SAPCD2: variants seen among roughly 807,000 people sequenced by gnomAD.
SAPCD2 encodes suppressor APC domain-containing protein 2.
Under a neutral mutation model 37.8 loss-of-function variants are expected in SAPCD2, and 34 were observed. The ratio of observed to expected loss-of-function variants is 0.90; its 90% CI spans 0.68 to 1.20. The LOEUF is 1.20. Ranked by LOEUF, SAPCD2 falls within the 50% of genes most tolerant of loss-of-function variation. SAPCD2 has a pLI of 0.00. For synonymous variants in SAPCD2, 275 were observed against 270.3 expected, an observed-to-expected ratio of 1.02 and a Z score of -0.17; for missense variants, 572 against 584.7, an observed-to-expected ratio of 0.98 and a Z score of 0.22.
rs1308529074 is a variant in SAPCD2, at chr9:137,065,546, GC to G, written c.806del (p.Arg269ProfsTer59). 6.2e-7 allele frequency: 1 copy of G among 1,605,954 alleles called. No individual in the cohort carries two copies. The highest frequency in any genetic ancestry group is 8.5e-7 in the Non-Finnish European group (1 of 1,175,860). ...QLQRVQERQR[R>X]LGQSRASADF... ...CGGCGCTGGCTCTGCTCTGGCCCAG[GC>G]GGCGCTGGCGCTCCTGCACTCGTTG... On this transcript the variant is annotated frameshift_variant, in exon 3 of 6. Transcript: ENST00000409687. LOFTEE classifies it high-confidence loss of function.
intron 4 of SAPCD2, 44 bp downstream of exon 4, chr9:137,065,034 G>C: frequency 6.7e-7 from 1 of 1,495,582 alleles, no homozygotes; most frequent in East Asian, 2.5e-5. Context: ...GCACTAAACT[G>C]GCCTGGGCCC....
chr9:137,069,948 GGGGCA>G lies in SAPCD2; in HGVS notation c.508_512del (p.Cys170ArgfsTer188). On this transcript the variant is annotated frameshift_variant, in exon 1 of 6. Transcript: ENST00000409687. LOFTEE classifies it high-confidence loss of function. The stretch of plus-strand genomic sequence containing the variant: ...CGCTCTGGGACCGCTCGGGCTCCGC[GGGGCA>G]GGGCGCCGCCTCAGCCGGGGCGCAC... 4.0e-6 allele frequency: 5 copies of G among 1,260,884 alleles called. No homozygotes were observed. The highest frequency in any genetic ancestry group is 5.0e-6 in the Non-Finnish European group (5 of 1,004,132). 78.1% of individuals were successfully genotyped at this position (1,260,884 alleles called of 1,614,324 possible).
At chr9:137,066,675 C>T (rs1015329329) in intron 1 of SAPCD2, among the ~76,000 whole-genome samples, 2 of 152,238 alleles carry the variant, frequency 1.3e-5, no homozygotes, top group African/African-American at 2.4e-5. Context: ...CTTCTGCACA[C>T]CCAGTGCCCA....
chr9:137,064,347 A>AC lies in SAPCD2; in HGVS notation c.*311dup. On this transcript the variant is annotated 3_prime_UTR_variant, in exon 6 of 6. Coordinates refer to ENST00000409687, the MANE Select transcript of SAPCD2 (RefSeq NM_178448.4). The stretch of plus-strand genomic sequence containing the variant: ...GGGCGGCACCGCTGGAAACGGGGGG[A>AC]CGCTAACTCATGGAGGGGTACCCCA... 1 of 425,056 alleles carries AC rather than the reference A, an allele frequency of 2.4e-6. No homozygotes were observed. The highest frequency in any genetic ancestry group is 4.1e-5 in the Admixed American group (1 of 24,602). 26.3% of individuals were successfully genotyped at this position (425,056 alleles called of 1,614,324 possible).
chr9:137,064,505 C>G lies in SAPCD2; in HGVS notation c.*154G>C. On this transcript the variant is annotated 3_prime_UTR_variant, in exon 6 of 6. Transcript: ENST00000409687. Reference sequence around the variant, plus strand: ...ACCAGCCGGGGGCAGGCCTGGGGAGCCCATCTGGCAAGGGCGGCAGGAAGG... The same window carrying G: ...ACCAGCCGGGGGCAGGCCTGGGGAGGCCATCTGGCAAGGGCGGCAGGAAGG... 1.2e-6 allele frequency: 1 copy of G among 834,988 alleles called. No homozygotes were observed. Among genetic ancestry groups the G allele is most frequent in the Non-Finnish European group, 1.8e-6 (1 of 545,754 alleles). 51.7% of individuals were successfully genotyped at this position (834,988 alleles called of 1,614,324 possible).
rs2131527254 is a variant in SAPCD2 at position 137,064,474 on chromosome 9, G to A, written c.*185C>T. The stretch of plus-strand genomic sequence containing the variant: ...GCCAAAACGGAGTCAAGCGCTCGGT[G>A]CGGGGACCAGCCGGGGGCAGGCCTG... On this transcript the variant is annotated 3_prime_UTR_variant, in exon 6 of 6. Coordinates refer to ENST00000409687, the MANE Select transcript of SAPCD2 (RefSeq NM_178448.4). 2 of 671,820 alleles carry A rather than the reference G, an allele frequency of 3.0e-6. No homozygotes were observed. The highest frequency in any genetic ancestry group is 5.0e-6 in the Non-Finnish European group (2 of 400,936). 41.6% of individuals were successfully genotyped at this position (671,820 alleles called of 1,614,324 possible).
In SAPCD2 at chr9:137,066,292, G is replaced by T; in HGVS notation, c.654C>A (p.His218Gln). 6.2e-7 allele frequency: 1 copy of T among 1,608,730 alleles called. No homozygotes were observed. ...APRARGERRRHTIASGVDCGL... is the reference protein window; with the variant it reads ...APRARGERRRQTIASGVDCGL... ...CGCAGTCCACGCCGCTGGCGATGGT[G>T]TGCCTCCGACGTTCCCCTCGGGCAC... The change falls in exon 2 of 6, where the codon CAC (histidine) becomes CAA (glutamine). Residue 218 changes from histidine (H) to glutamine (Q), a missense_variant. His to Gln is a conservative substitution (Grantham distance 24). Coordinates refer to ENST00000409687, the MANE Select transcript of SAPCD2 (RefSeq NM_178448.4).
rs1363262152 is a variant in SAPCD2, at chr9:137,065,778, G to A, written c.685-110C>T. The A allele has an allele frequency of 1.4e-5, 19 of 1,344,464 alleles. No homozygotes were observed. The Admixed American group carries it at 3.8e-4, about 27-fold the overall frequency. The allele number at this position is 1,344,464 out of a possible 1,614,324, so 83.3% of individuals were successfully genotyped here. A position where few individuals can be genotyped will look rare whatever the true frequency, so the allele number is the denominator to read the frequency against. On this transcript the variant is annotated intron_variant, in intron 2 of 5. Coordinates refer to ENST00000409687, the MANE Select transcript of SAPCD2 (RefSeq NM_178448.4). ...CACCAGAGCCACAGACACAAATGCA[G>A]CAGCACGTGTACACGTTTGCAAACA...
At chr9:137,068,933 G>T (rs897682228) in intron 1 of SAPCD2, among the ~76,000 whole-genome samples, 1 of 152,244 alleles carries the variant, frequency 6.6e-6, no homozygotes, top group African/African-American at 2.4e-5. Context: ...TCACCAGGGA[G>T]GCCAGGGCCG....
In SAPCD2 at chr9:137,064,160, A is replaced by C; in HGVS notation, c.*499T>G. ...CTTACAGGCCGTCCCCACCCCCTCCATCTACTTCCGTCCGTCCGAGCTACA... is the reference window on the plus strand; with the variant it reads ...CTTACAGGCCGTCCCCACCCCCTCCCTCTACTTCCGTCCGTCCGAGCTACA... On this transcript the variant is annotated 3_prime_UTR_variant, in exon 6 of 6. Coordinates refer to ENST00000409687, the MANE Select transcript of SAPCD2 (RefSeq NM_178448.4). The C allele has an allele frequency of 1.1e-5, 2 of 185,404 alleles. No individual in the cohort carries two copies. Among genetic ancestry groups the C allele is most frequent in the Non-Finnish European group, 2.3e-5 (2 of 87,228 alleles). 11.5% of individuals were successfully genotyped at this position (185,404 alleles called of 1,614,324 possible). A position where few individuals can be genotyped will look rare whatever the true frequency, so the allele number is the denominator to read the frequency against.
Position 137,064,193 on chromosome 9 carries a change from C to G in SAPCD2, c.*466G>C, listed in dbSNP as rs34755670. ...CCGTCCGTCCGAGCTACAGCCACCT[C>G]GTCCTGGTGCCCTGGTTGAGCGGGA... On this transcript the variant is annotated 3_prime_UTR_variant, in exon 6 of 6. Transcript: ENST00000409687. 955 of 212,242 alleles carry G rather than the reference C, an allele frequency of 4.5e-3. 5 individuals are homozygous for G. Among genetic ancestry groups the G allele is most frequent in the Non-Finnish European group, 7.5e-3 (765 of 102,624 alleles). The allele number at this position is 212,242 out of a possible 1,614,324, so 13.1% of individuals were successfully genotyped here.
chr9:137,067,647 A>G (rs987910359), intron 1 of SAPCD2, among the ~76,000 whole-genome samples: 28 of 150,568 alleles, frequency 1.9e-4, no homozygotes, highest in Non-Finnish European at 1.8e-4. Flanking sequence ...GGTGGCATGC[A>G]CCTGTAATCC....
In SAPCD2 at chr9:137,064,939, A is replaced by T. The variant is rs1361641742; in HGVS notation, c.980T>A (p.Leu327Gln). ...CCAGACCGGGGGTGAGGTGGACGTC[A>T]GGGCAGGGCAGGGGGGCCCGGAGGA... is the stretch of plus-strand genomic sequence containing the variant. ...PSSSGPPCPA[L>Q]TSTSPPVWQQ... The change falls in exon 5 of 6, where the codon CTG (leucine) becomes CAG (glutamine). Residue 327 changes from leucine (L) to glutamine (Q), a missense_variant. Transcript: ENST00000409687. 1.9e-6 allele frequency: 3 copies of T among 1,551,922 alleles called. No individual in the cohort carries two copies.
In SAPCD2 at chr9:137,067,774, C is replaced by CA. The variant is rs36035728; in HGVS notation, c.572-1401dup. Among the ~76,000 whole-genome samples the CA allele has an allele frequency of 2.7e-3, 120 of 44,674 alleles. 17 individuals are homozygous for CA. The highest frequency in any genetic ancestry group is 0.011 in the East Asian group (13 of 1,236). The allele number at this position is 44,674 out of a possible 152,430, so 29.3% of individuals were successfully genotyped here. On this transcript the variant is annotated intron_variant, in intron 1 of 5. Coordinates refer to ENST00000409687, the MANE Select transcript of SAPCD2 (RefSeq NM_178448.4). ...TGGGCGACAGAGCAAGACTCCATCT[C>CA]AAAAAAAAAAAAAAAAAAAAAAAAA...
Position 137,065,555 on chromosome 9 carries a change from G to A in SAPCD2, c.798C>T (p.Arg266=), listed in dbSNP as rs1832532370. 6.2e-7 allele frequency: 1 copy of A among 1,607,304 alleles called. No homozygotes were observed. Among genetic ancestry groups the A allele is most frequent in the East Asian group, 2.2e-5 (1 of 44,646 alleles). ...YQQQLQRVQE[R]QRRLGQSRAS... The stretch of plus-strand genomic sequence containing the variant: ...CTCTGCTCTGGCCCAGGCGGCGCTG[G>A]CGCTCCTGCACTCGTTGCAGCTGCT... The change falls in exon 3 of 6, where the codon CGC becomes CGT. Residue 266 remains arginine, a synonymous_variant. Coordinates refer to ENST00000409687, the MANE Select transcript of SAPCD2 (RefSeq NM_178448.4).
chr9:137,067,952 C>T (rs1832573794), intron 1 of SAPCD2, among the ~76,000 whole-genome samples: 1 of 152,108 alleles, frequency 6.6e-6, no homozygotes, highest in African/African-American at 2.4e-5. Context: ...GCCCAGCTTC[C>T]TGGTGAGGGA....
rs529957099 is a variant in SAPCD2, at chr9:137,064,144, C to G, written c.*515G>C. 3 of 173,866 alleles carry G rather than the reference C, an allele frequency of 1.7e-5. No homozygotes were observed. Among genetic ancestry groups the G allele is most frequent in the African/African-American group, 4.8e-5 (2 of 41,558 alleles). The allele number at this position is 173,866 out of a possible 1,614,324, so 10.8% of individuals were successfully genotyped here. On this transcript the variant is annotated 3_prime_UTR_variant, in exon 6 of 6. Transcript: ENST00000409687. Reference sequence around the variant, plus strand: ...AGGCAGGCACCCCCCGCTTACAGGCCGTCCCCACCCCCTCCATCTACTTCC... The same window carrying G: ...AGGCAGGCACCCCCCGCTTACAGGCGGTCCCCACCCCCTCCATCTACTTCC...
In SAPCD2 at chr9:137,070,065, C is replaced by T; in HGVS notation, c.396G>A (p.Arg132=). 4 of 1,196,564 alleles carry T rather than the reference C, an allele frequency of 3.3e-6. No homozygotes were observed. Among genetic ancestry groups the T allele is most frequent in the Non-Finnish European group, 4.1e-6 (4 of 965,446 alleles). 74.1% of individuals were successfully genotyped at this position (1,196,564 alleles called of 1,614,324 possible). ...GCAGGGGCTTCCTCTCCAGGACCGT[C>T]CGCGGCTCGTCGGCCGGAGCGAACA... The part of the protein sequence containing the change: ...RLVFAPADEP[R]TVLERKPLPL... Residue 132 remains arginine, a synonymous_variant, in exon 1 of 6, where the codon CGG becomes CGA. Coordinates refer to ENST00000409687, the MANE Select transcript of SAPCD2 (RefSeq NM_178448.4).
chr9:137,067,852 C>T (rs1055702116), intron 1 of SAPCD2, among the ~76,000 whole-genome samples: 3 of 150,204 alleles, frequency 2.0e-5, no homozygotes, highest in South Asian at 2.1e-4. Flanking sequence ...ACAAGTCAGG[C>T]ACGTCCTGGT....
Sources: allele counts gnomAD v4.1 joint callset (sites outside exome capture counted in the v4.1 genomes callset), GRCh38; gene constraint gnomAD v4.1.1; transcripts MANE v1.5; gene names NCBI Gene and HGNC (gene_info 2026-07-23, HGNC 2026-07-21).